Variants in PCDH15 observed in about 807,000 individuals in gnomAD.
PCDH15 encodes the protein protocadherin-15.
PCDH15 carries 129 observed loss-of-function variants against 178.5 expected under a neutral mutation model. The observed-to-expected ratio is 0.72, with a 90% CI of 0.63 to 0.84. The LOEUF (loss-of-function observed/expected upper bound fraction) is 0.84. Ranked by LOEUF, PCDH15 falls within the 40% of genes least tolerant of loss-of-function variation. PCDH15 has a pLI of 0.00. For missense variants in PCDH15, 2,230 were observed against 2,099.9 expected (o/e 1.06, Z -1.21); for synonymous variants, 800 against 732.0 (o/e 1.09, Z -1.50).
At chr10:54,777,433 T>C (rs1264122812) in intron 1 of PCDH15, among the ~76,000 whole-genome samples, 1 of 152,122 alleles carries the variant, frequency 6.6e-6, no homozygotes, top group Non-Finnish European at 1.5e-5. Context: ...CAAGGAAATA[T>C]TGGCACAAAA....
intron 25 of PCDH15, among the ~76,000 whole-genome samples, chr10:53,935,907 G>C (rs2085534492): frequency 6.6e-6 from 1 of 151,962 alleles, no homozygotes; most frequent in South Asian, 2.1e-4. Context: ...TACTATTGGT[G>C]GTTGCTACTA....
rs141169830 is a variant in PCDH15, at chr10:55,301,945, T to C, written c.-156+17654A>G. ...CTCTGTTCTGTTTTATTGAACTATA[T>C]GTCTATCCTTCAGCCAAAACAGCAC... On this transcript the variant is annotated intron_variant, in intron 1 of 5. Transcript: ENST00000458638. Among the ~76,000 whole-genome samples, 762 of 152,326 alleles carry C rather than the reference T, an allele frequency of 5.0e-3. 11 individuals carry two copies. The highest frequency in any genetic ancestry group is 0.017 in the African/African-American group (710 of 41,594).
rs190171883 is a variant in PCDH15, at chr10:54,004,449, A to G, written c.2752-8684T>C. ...CACCACACAAAGTATTAGAACTGAT[A>G]AATTTAGTAAAGTTGCAAGATACAA... On this transcript the variant is annotated intron_variant, in intron 20 of 37. Transcript: ENST00000644397. Among the ~76,000 whole-genome samples, 15 of 151,248 alleles carry G rather than the reference A, an allele frequency of 9.9e-5. No homozygotes were observed. The East Asian group carries it at 2.9e-3, about 29-fold the overall frequency.
At chr10:54,375,850 T>A (rs1257612768) in intron 4 of PCDH15, among the ~76,000 whole-genome samples, 3 of 118,096 alleles carry the variant, frequency 2.5e-5, no homozygotes, top group African/African-American at 1.0e-4. Context: ...ATATATATAA[T>A]ATATAAATAA....
chr10:53,822,136 G>A, intron 32 of PCDH15: 1 of 1,614,034 alleles, frequency 6.2e-7, no homozygotes, highest in Non-Finnish European at 8.5e-7. Flanking sequence ...GTTGATAGCT[G>A]TGTCATAGAG....
intron 2 of PCDH15, among the ~76,000 whole-genome samples, chr10:55,380,659 A>C (rs190810637): frequency 2.1e-3 from 322 of 152,246 alleles, no homozygotes; most frequent in Non-Finnish European, 3.4e-3. Context: ...ATTCACCTCA[A>C]TCCACCTCTG....
intron 9 of PCDH15, among the ~76,000 whole-genome samples, chr10:54,229,179 T>C (rs1268737829): frequency 6.6e-6 from 1 of 152,158 alleles, no homozygotes; most frequent in African/African-American, 2.4e-5. Context: ...GCTTAATCAG[T>C]CATGTTATTA....
At chr10:54,200,432 C>T (rs1354311204) in intron 10 of PCDH15, among the ~76,000 whole-genome samples, 1 of 151,890 alleles carries the variant, frequency 6.6e-6, no homozygotes, top group Non-Finnish European at 1.5e-5. Context: ...TAGGCCCCCA[C>T]CCTCGACAGG....
At chr10:54,795,913 T>C (rs1439541917) in intron 1 of PCDH15, among the ~76,000 whole-genome samples, 3 of 151,896 alleles carry the variant, frequency 2.0e-5, no homozygotes, top group African/African-American at 7.2e-5. Context: ...CTCCATTTAC[T>C]GAAATATACC....
At chr10:54,743,739 C>T (rs1294246470) in intron 1 of PCDH15, among the ~76,000 whole-genome samples, 3 of 151,650 alleles carry the variant, frequency 2.0e-5, no homozygotes, top group Non-Finnish European at 4.4e-5. Flanking sequence ...AAATACTGCT[C>T]CTAAATATTA....
chr10:55,133,401 C>T (rs1305335241), intron 2 of PCDH15, among the ~76,000 whole-genome samples: 1 of 152,126 alleles, frequency 6.6e-6, no homozygotes, highest in Admixed American at 6.5e-5. Context: ...ATCTAACTGG[C>T]CACTCCTTCC....
intron 8 of PCDH15, among the ~76,000 whole-genome samples, chr10:54,290,475 A>C (rs1185461280): frequency 6.6e-6 from 1 of 152,246 alleles, no homozygotes; most frequent in Non-Finnish European, 1.5e-5. Context: ...TGCTATGAAG[A>C]AACTGCATCA....
intron 3 of PCDH15, among the ~76,000 whole-genome samples, chr10:54,521,556 A>G (rs954017494): frequency 6.6e-6 from 1 of 152,174 alleles, no homozygotes; most frequent in African/African-American, 2.4e-5. Context: ...CCTCTTTATT[A>G]ATGATTTTTT....
At chr10:53,951,580 A>C (rs2087052854) in intron 23 of PCDH15, among the ~76,000 whole-genome samples, 1 of 152,246 alleles carries the variant, frequency 6.6e-6, no homozygotes, top group Admixed American at 6.5e-5. Context: ...ATGCATGTGG[A>C]AGATTTGTTA....
At chr10:54,249,817 A>G (rs115303843) in intron 8 of PCDH15, among the ~76,000 whole-genome samples, 1,628 of 152,298 alleles carry the variant, frequency 0.011, 38 homozygotes, top group African/African-American at 0.037. Context: ...TAAAGACTTA[A>G]TACTCACCAA....
intron 2 of PCDH15, chr10:54,600,518 C>A: frequency 1.7e-6 from 1 of 575,986 alleles, no homozygotes; most frequent in Non-Finnish European, 3.4e-6. Flanking sequence ...GAAAAAATCA[C>A]CAGTGAGAGG....
intron 2 of PCDH15, among the ~76,000 whole-genome samples, chr10:54,587,453 A>G (rs899378943): frequency 5.9e-5 from 9 of 152,154 alleles, no homozygotes; most frequent in African/African-American, 1.9e-4. Context: ...GCTTATTGAC[A>G]TAAATGAAGA....
At chr10:54,144,311 C>T (rs567838651) in intron 14 of PCDH15, among the ~76,000 whole-genome samples, 37 of 152,042 alleles carry the variant, frequency 2.4e-4, no homozygotes, top group Non-Finnish European at 4.1e-4. Context: ...ATCACTTTTT[C>T]GATAAACATA....
chr10:55,550,008 T>C (rs1036099864), intron 2 of PCDH15, among the ~76,000 whole-genome samples: 1 of 152,106 alleles, frequency 6.6e-6, no homozygotes, highest in Non-Finnish European at 1.5e-5. Flanking sequence ...ATTTTGTATT[T>C]TCACCCATCT....
Sources: allele counts gnomAD v4.1 joint callset (sites outside exome capture counted in the v4.1 genomes callset), GRCh38; gene constraint gnomAD v4.1.1; transcripts MANE v1.5; gene names NCBI Gene and HGNC (gene_info 2026-07-23, HGNC 2026-07-21).